Variants in AP2B1 observed in about 807,000 individuals in gnomAD.
The protein encoded by AP2B1 is adaptor related protein complex 2 subunit beta 1, also known as AP-2 complex subunit beta.
In AP2B1, 23 loss-of-function variants were observed where a neutral mutation model predicts 102.0. That is an observed-to-expected ratio of 0.23 (90% CI 0.16 to 0.32). AP2B1 has a LOEUF of 0.32. Among genes scored for constraint, AP2B1 ranks in the 10% least tolerant of loss-of-function variants. AP2B1 has a pLI of 1.00. For missense variants in AP2B1, 541 were observed against 1,157.4 expected (o/e 0.47, Z 7.73); for synonymous variants, 381 against 421.2 (o/e 0.90, Z 1.17).
chr17:35,605,870 G>A (rs998910780), intron 4 of AP2B1, 30 bp downstream of exon 4: 12 of 1,598,752 alleles, frequency 7.5e-6, no homozygotes, highest in Non-Finnish European at 9.4e-6. Context: ...CAATAACAGA[G>A]TTTGAATTGC....
At chr17:35,697,030 A>G (rs1404265780) in intron 18 of AP2B1, among the ~76,000 whole-genome samples, 1 of 152,244 alleles carries the variant, frequency 6.6e-6, no homozygotes, top group Non-Finnish European at 1.5e-5. Context: ...AAGCAAGGCT[A>G]TCTCTTCATC....
intron 5 of AP2B1, among the ~76,000 whole-genome samples, chr17:35,615,218 A>G (rs149571178): frequency 0.014 from 2,119 of 152,320 alleles, 23 homozygotes; most frequent in Non-Finnish European, 0.022. Context: ...GCTTTGAACA[A>G]GTTATTTAAA....
chr17:35,659,728 A>C (rs909305189), intron 14 of AP2B1: 50 of 855,624 alleles, frequency 5.8e-5, no homozygotes, highest in Non-Finnish European at 7.0e-5. Context: ...ACATTTCCTG[A>C]CTTTGGGATC....
At chr17:35,644,926 GGAGGTT>G (rs1262983344) in intron 12 of AP2B1, among the ~76,000 whole-genome samples, 18 of 152,062 alleles carry the variant, frequency 1.2e-4, no homozygotes, top group Non-Finnish European at 4.4e-5. Flanking sequence ...CAGCTACTTG[GGAGGTT>G]GAGGTGGGAG....
intron 18 of AP2B1, among the ~76,000 whole-genome samples, chr17:35,693,285 G>A (rs952418748): frequency 6.6e-6 from 1 of 152,080 alleles, no homozygotes; most frequent in African/African-American, 2.4e-5. Context: ...ACCTCCCAGA[G>A]TGCTGGAATT....
chr17:35,687,294 A>AT (rs950127369), intron 18 of AP2B1, among the ~76,000 whole-genome samples: 1 of 151,684 alleles, frequency 6.6e-6, no homozygotes, highest in Non-Finnish European at 1.5e-5. Context: ...ATTTTTTAAA[A>AT]TTTTTTGTAG....
chr17:35,626,412 C>T (rs1317961872), intron 6 of AP2B1, among the ~76,000 whole-genome samples: 2 of 152,016 alleles, frequency 1.3e-5, no homozygotes, highest in African/African-American at 2.4e-5. Context: ...CTGAAGTCTT[C>T]TTATGTCCCT....
intron 14 of AP2B1, 42 bp from the exon 15 acceptor site, chr17:35,670,815 G>A: frequency 6.2e-7 from 1 of 1,604,456 alleles, no homozygotes; most frequent in Non-Finnish European, 8.5e-7. Context: ...TTAGCTAAAT[G>A]AACTCTACCT....
intron 17 of AP2B1, among the ~76,000 whole-genome samples, chr17:35,680,696 T>TGG (rs60215592): frequency 4.3e-5 from 5 of 116,950 alleles, no homozygotes. Context: ...GTTTTTTTTT[T>TGG]TTTGTTTTTT....
At chr17:35,673,138 A>G (rs572948499) in intron 16 of AP2B1, among the ~76,000 whole-genome samples, 1 of 152,192 alleles carries the variant, frequency 6.6e-6, no homozygotes, top group East Asian at 1.9e-4. Flanking sequence ...GTACATTATC[A>G]TGATTATTCA....
At chr17:35,641,762 A>G in intron 11 of AP2B1, 115 bp from the exon 12 acceptor site, 1 of 661,608 alleles carries the variant, frequency 1.5e-6, no homozygotes, top group Non-Finnish European at 2.4e-6. Flanking sequence ...TCTCTTAACC[A>G]AAATCAGAAA....
At chr17:35,674,127 A>G (rs1327042991) in intron 16 of AP2B1, 49 bp from the exon 17 acceptor site, 1 of 1,548,612 alleles carries the variant, frequency 6.5e-7, no homozygotes, top group Non-Finnish European at 8.8e-7. Flanking sequence ...AATGCATAGC[A>G]TCAAGATAAA....
At chr17:35,593,606 A>T (rs1044795649) in intron 1 of AP2B1, among the ~76,000 whole-genome samples, 2 of 152,138 alleles carry the variant, frequency 1.3e-5, no homozygotes, top group African/African-American at 4.8e-5. Flanking sequence ...TTTTGACCTT[A>T]CACTGCTTCA....
chr17:35,716,574 C>G (rs2076555019), intron 20 of AP2B1, among the ~76,000 whole-genome samples: 1 of 151,678 alleles, frequency 6.6e-6, no homozygotes, highest in African/African-American at 2.4e-5. Context: ...GCATAGTATT[C>G]CCTAAAGGCT....
At chr17:35,594,430 A>T (rs2073195405) in intron 2 of AP2B1, among the ~76,000 whole-genome samples, 1 of 152,230 alleles carries the variant, frequency 6.6e-6, no homozygotes. Flanking sequence ...TATAACAAAG[A>T]ATACAATTAA....
chr17:35,610,976 G>A (rs1033025473), intron 5 of AP2B1, among the ~76,000 whole-genome samples: 2 of 151,944 alleles, frequency 1.3e-5, no homozygotes, highest in African/African-American at 4.8e-5. Flanking sequence ...TTGGGAGGCC[G>A]AGGTGGGAGA....
intron 10 of AP2B1, 21 bp from the exon 11 acceptor site, chr17:35,639,574 T>C (rs762315382): frequency 4.4e-6 from 7 of 1,595,344 alleles, no homozygotes; most frequent in Non-Finnish European, 6.0e-6. Context: ...TCAATAACCA[T>C]AGTTCATTTT....
intron 18 of AP2B1, among the ~76,000 whole-genome samples, chr17:35,689,397 C>G (rs1487378548): frequency 6.6e-5 from 10 of 152,116 alleles, no homozygotes; most frequent in Non-Finnish European, 1.5e-4. Flanking sequence ...CCAGGCTGGT[C>G]TCGGATTCCT....
chr17:35,641,969 A>C lies in AP2B1; in HGVS notation c.1530A>C (p.Ala510=). The change falls in exon 12 of 22, where the codon GCA becomes GCC. Residue 510 remains alanine (A), a synonymous_variant. Coordinates refer to ENST00000610402, the MANE Select transcript of AP2B1 (RefSeq NM_001030006.2). ...TAGTCCAGCAGGTCTTGAGTTTGGC[A>C]ACACAGGTAAGAAATCTGGAAAAAG... ...QELVQQVLSL[A]TQDSDNPDLR... The C allele has an allele frequency of 6.2e-7, 1 of 1,610,814 alleles. No individual in the cohort carries two copies. The highest frequency in any genetic ancestry group is 8.5e-7 in the Non-Finnish European group (1 of 1,177,344).
Sources: gnomAD v4.1 joint callset for allele counts (sites outside exome capture counted in the v4.1 genomes callset) on GRCh38, gnomAD v4.1.1 for gene constraint, MANE v1.5 for transcripts, NCBI Gene and HGNC (gene_info 2026-07-23, HGNC 2026-07-21) for gene names.